The following SEPTIN14 variants were observed in gnomAD, a reference collection of about 807,000 sequenced individuals.
The protein encoded by SEPTIN14 is septin 14.
SEPTIN14 carries 40 observed loss-of-function variants against 53.6 expected under a neutral mutation model. The ratio of observed to expected loss-of-function variants is 0.75; its 90% confidence interval spans 0.58 to 0.97. The LOEUF is 0.97. SEPTIN14 is among the 50% of genes least tolerant of loss of function. The probability of loss-of-function intolerance (pLI) is 0.00; values close to 1 mark genes in which losing one functional copy is unlikely to be tolerated. For missense variants in SEPTIN14, 471 were observed against 508.2 expected (o/e 0.93, Z 0.70); for synonymous variants, 138 against 166.8 (o/e 0.83, Z 1.33).
chr7:55,854,947 A>G (rs1375519895), intron 2 of SEPTIN14, among the ~76,000 whole-genome samples: 5 of 152,202 alleles, frequency 3.3e-5, no homozygotes, highest in African/African-American at 1.2e-4. Flanking sequence ...TGGAGAGCAG[A>G]AAAAAGACAT....
At chr7:55,804,455 C>T (rs1267555794) in intron 9 of SEPTIN14, among the ~76,000 whole-genome samples, 1 of 151,872 alleles carries the variant, frequency 6.6e-6, no homozygotes, top group Non-Finnish European at 1.5e-5. Flanking sequence ...GACGGGGTTT[C>T]ACCACGTTGG....
chr7:55,852,099 G>A (rs369775133), intron 2 of SEPTIN14, among the ~76,000 whole-genome samples: 14 of 148,880 alleles, frequency 9.4e-5, no homozygotes, highest in South Asian at 2.1e-4. Context: ...CCGAGATTGC[G>A]CCACTGCACT....
chr7:55,825,859 T>C (rs1370728181), intron 6 of SEPTIN14, among the ~76,000 whole-genome samples: 2 of 151,912 alleles, frequency 1.3e-5, no homozygotes, highest in Admixed American at 1.3e-4. Context: ...TCCCAGCACT[T>C]TGGGAGGCCG....
At chr7:55,816,052 A>G (rs1785007197) in intron 7 of SEPTIN14, among the ~76,000 whole-genome samples, 1 of 152,208 alleles carries the variant, frequency 6.6e-6, no homozygotes, top group Non-Finnish European at 1.5e-5. Flanking sequence ...TTGCAACAAC[A>G]TGGATGGAAC....
intron 2 of SEPTIN14, among the ~76,000 whole-genome samples, chr7:55,858,906 C>T (rs1432958844): frequency 6.6e-6 from 1 of 152,164 alleles, no homozygotes; most frequent in Non-Finnish European, 1.5e-5. Context: ...TACTAAAGGC[C>T]TGGTAAAAGA....
intron 6 of SEPTIN14, among the ~76,000 whole-genome samples, chr7:55,819,800 AG>A (rs979279722): frequency 2.6e-5 from 4 of 152,166 alleles, no homozygotes; most frequent in Non-Finnish European, 4.4e-5. Flanking sequence ...AAAGATTTTC[AG>A]TAGGCATCAT....
chr7:55,843,705 G>A (rs1025432194), intron 4 of SEPTIN14, among the ~76,000 whole-genome samples: 7 of 152,178 alleles, frequency 4.6e-5, no homozygotes, highest in Non-Finnish European at 5.9e-5. Flanking sequence ...GGTGGCAGGC[G>A]CCTGTAGTCC....
rs557478828 is a variant in SEPTIN14 at position 55,837,177 on chromosome 7, A to G, written c.559-2591T>C. On this transcript the variant is annotated intron_variant, in intron 5 of 9. Coordinates refer to ENST00000388975, the MANE Select transcript of SEPTIN14 (RefSeq NM_207366.3). ...GTGGCCCTGTCTGCAGTGCGGTGGC[A>G]TGATCACAGCTCACTGCAGCCTCAA... Among the ~76,000 whole-genome samples, 26 of 150,700 alleles carry G rather than the reference A, an allele frequency of 1.7e-4. No homozygotes were observed. The East Asian group carries it at 4.9e-3, about 28-fold the overall frequency.
intron 2 of SEPTIN14, among the ~76,000 whole-genome samples, chr7:55,847,719 T>TA (rs1789438087): frequency 6.6e-6 from 1 of 152,208 alleles, no homozygotes; most frequent in South Asian, 2.1e-4. Context: ...TTGAAATTTT[T>TA]AAAAAATCAA....
In SEPTIN14 at chr7:55,801,569, A is replaced by G. The variant is rs1388774700; in HGVS notation, c.1119+3689T>C. Among the ~76,000 whole-genome samples, 3 of 152,174 alleles carry G rather than the reference A, an allele frequency of 2.0e-5. No individual in the cohort carries two copies. The East Asian group carries it at 5.8e-4, about 29-fold the overall frequency. Reference sequence around the variant, plus strand: ...GATTTAATCAGTAACAAAAAATGCTACCAAAGAAAAGGCCGTACTAGGTGA... The same window carrying G: ...GATTTAATCAGTAACAAAAAATGCTGCCAAAGAAAAGGCCGTACTAGGTGA... On this transcript the variant is annotated intron_variant, in intron 9 of 9. Transcript: ENST00000388975.
chr7:55,843,112 C>A lies in SEPTIN14; in HGVS notation c.388G>T (p.Asp130Tyr). 1 of 1,583,586 alleles carries A rather than the reference C, an allele frequency of 6.3e-7. No homozygotes were observed. The highest frequency in any genetic ancestry group is 8.5e-7 in the Non-Finnish European group (1 of 1,170,440). Residue 130 changes from aspartate (D) to tyrosine (Y), a missense_variant, in exon 5 of 10, where the codon GAC becomes TAC. By Grantham distance (160) the Asp-to-Tyr change is radical. Transcript: ENST00000388975. ...DKEASYQPIV[D>Y]YIDAQFEAYL... is the part of the protein sequence containing the mutation. ...GCCTCAAATTGGGCATCTATGTAGTCAACTATTGGTTGGTAGCTAAAAAAA... is the reference window on the plus strand; with the variant it reads ...GCCTCAAATTGGGCATCTATGTAGTAAACTATTGGTTGGTAGCTAAAAAAA...
At chr7:55,839,560 T>G (rs1446575652) in intron 5 of SEPTIN14, among the ~76,000 whole-genome samples, 1 of 152,170 alleles carries the variant, frequency 6.6e-6, no homozygotes, top group East Asian at 1.9e-4. Context: ...GAACTGCATC[T>G]CATTTATAAA....
At chr7:55,817,237 G>A (rs931064799) in intron 7 of SEPTIN14, among the ~76,000 whole-genome samples, 6 of 152,110 alleles carry the variant, frequency 3.9e-5, no homozygotes, top group Admixed American at 1.3e-4. Context: ...TTTACACTAA[G>A]TGAATACGCC....
At chr7:55,830,369 C>A (rs1435352307) in intron 6 of SEPTIN14, among the ~76,000 whole-genome samples, 1 of 53,726 alleles carries the variant, frequency 1.9e-5, no homozygotes, top group Non-Finnish European at 4.1e-5. Flanking sequence ...TTTTTTGAGA[C>A]GGAGTCTCGC....
chr7:55,819,140 C>G lies in SEPTIN14; in HGVS notation c.804G>C (p.Trp268Cys). ...TGTCATTTTTACCTTGCAAAACTCC[C>G]CAAGGGTAGTGACGGCCTCTGACCA... ...KRMVRGRHYP[W>C]GVLQVENENH... Residue 268 changes from tryptophan to cysteine, a missense_variant, in exon 7 of 10, where the codon TGG becomes TGC. By Grantham distance (215) the Trp-to-Cys change is radical. Transcript: ENST00000388975. The G allele has an allele frequency of 6.3e-7, 1 of 1,579,438 alleles. No individual in the cohort carries two copies. Among genetic ancestry groups the G allele is most frequent in the Non-Finnish European group, 8.6e-7 (1 of 1,160,796 alleles).
At chr7:55,810,604 G>A (rs906172479) in intron 7 of SEPTIN14, among the ~76,000 whole-genome samples, 2 of 150,408 alleles carry the variant, frequency 1.3e-5, no homozygotes, top group African/African-American at 2.5e-5. Flanking sequence ...CCTCCCTCCC[G>A]AGTAGCTGGG....
chr7:55,812,396 TAG>T (rs1471752885), intron 7 of SEPTIN14, among the ~76,000 whole-genome samples: 2 of 152,078 alleles, frequency 1.3e-5, no homozygotes, highest in East Asian at 1.9e-4. Flanking sequence ...CTCACAGAAA[TAG>T]AGAGTAGACA....
chr7:55,859,618 T>C (rs1789707713), intron 2 of SEPTIN14, among the ~76,000 whole-genome samples: 1 of 152,192 alleles, frequency 6.6e-6, no homozygotes, highest in Non-Finnish European at 1.5e-5. Flanking sequence ...TCACTCTTTT[T>C]TCAATCCCTC....
intron 6 of SEPTIN14, among the ~76,000 whole-genome samples, chr7:55,822,095 A>T (rs1177548346): frequency 6.6e-6 from 1 of 152,184 alleles, no homozygotes; most frequent in Non-Finnish European, 1.5e-5. Context: ...TAATTCAATT[A>T]CCTTCCCCTG....
Sources: gnomAD v4.1 joint callset for allele counts (sites outside exome capture counted in the v4.1 genomes callset) on GRCh38, gnomAD v4.1.1 for gene constraint, MANE v1.5 for transcripts, NCBI Gene and HGNC (gene_info 2026-07-23, HGNC 2026-07-21) for gene names.